TPP2: variants seen among roughly 807,000 people sequenced by gnomAD.
TPP2 encodes the protein tripeptidyl peptidase 2.
TPP2 carries 34 observed loss-of-function variants against 155.9 expected under a neutral mutation model. That is an observed-to-expected ratio of 0.22 (90% CI 0.17 to 0.29). The LOEUF is 0.29. Ranked by LOEUF, TPP2 falls within the 10% of genes least tolerant of loss-of-function variation. The pLI, the probability that TPP2 is intolerant of heterozygous loss-of-function variation, is 1.00. For synonymous variants in TPP2, 510 were observed against 529.4 expected (o/e 0.96, Z 0.50); for missense variants, 1,028 against 1,522.3 (o/e 0.68, Z 5.40).
chr13:102,631,981 GCTCA>G (rs1182160132), intron 10 of TPP2, among the ~76,000 whole-genome samples: 1 of 152,182 alleles, frequency 6.6e-6, no homozygotes, highest in African/African-American at 2.4e-5. Context: ...GGGTGCAGTG[GCTCA>G]CGCCTGTAAT....
chr13:102,671,307 C>CT (rs1381773645), intron 27 of TPP2, among the ~76,000 whole-genome samples: 1 of 152,122 alleles, frequency 6.6e-6, no homozygotes, highest in Non-Finnish European at 1.5e-5. Context: ...ATTTGCCAGA[C>CT]TTTTTGGGAA....
At chr13:102,626,559 T>C (rs1881640448) in intron 6 of TPP2, among the ~76,000 whole-genome samples, 1 of 152,228 alleles carries the variant, frequency 6.6e-6, no homozygotes, top group South Asian at 2.1e-4. Flanking sequence ...TGTTCAGCTT[T>C]CACTCCAGCC....
rs763868808 is a variant in TPP2, at chr13:102,678,366, G to T, written c.*50G>T. 67 of 1,559,968 alleles carry T rather than the reference G, an allele frequency of 4.3e-5. No homozygotes were observed. The Admixed American group carries it at 1.1e-3, about 27-fold the overall frequency. On this transcript the variant is annotated 3_prime_UTR_variant, in exon 30 of 30. Coordinates refer to ENST00000376052, the MANE Select transcript of TPP2 (RefSeq NM_001330588.2). The stretch of plus-strand genomic sequence containing the variant: ...TAAAAAAGGAAGTTTTATAGTGAAT[G>T]GGTATAAAAACAAATTTGTGGCATT...
At chr13:102,638,535 C>T (rs1882540894) in intron 15 of TPP2, among the ~76,000 whole-genome samples, 1 of 152,186 alleles carries the variant, frequency 6.6e-6, no homozygotes, top group African/African-American at 2.4e-5. Context: ...TGCCCTACCT[C>T]TGCATCAAAA....
intron 29 of TPP2, among the ~76,000 whole-genome samples, chr13:102,677,567 T>C (rs141420765): frequency 1.3e-5 from 2 of 152,306 alleles, no homozygotes; most frequent in Non-Finnish European, 2.9e-5. Flanking sequence ...GCATCTCTGC[T>C]TAGCACAAAC....
intron 2 of TPP2, among the ~76,000 whole-genome samples, chr13:102,610,503 T>TA (rs1880211249): frequency 6.6e-6 from 1 of 152,166 alleles, no homozygotes; most frequent in South Asian, 2.1e-4. Flanking sequence ...GTGCTGGGAT[T>TA]ACAAATGTCA....
intron 24 of TPP2, among the ~76,000 whole-genome samples, chr13:102,652,397 C>CATACATATATAT (rs1883560553): frequency 8.0e-6 from 1 of 125,488 alleles, no homozygotes; most frequent in Non-Finnish European, 1.8e-5. Flanking sequence ...AACATACATA[C>CATACATATATAT]ATATATATAT....
intron 24 of TPP2, among the ~76,000 whole-genome samples, chr13:102,652,016 A>AT (rs1250576033): frequency 1.3e-5 from 2 of 152,324 alleles, no homozygotes; most frequent in African/African-American, 4.8e-5. Context: ...TCTCTGCAGC[A>AT]TATTAAGCAA....
chr13:102,637,624 C>T (rs979042751), intron 14 of TPP2, among the ~76,000 whole-genome samples: 2 of 152,086 alleles, frequency 1.3e-5, no homozygotes, highest in South Asian at 4.1e-4. Flanking sequence ...GATCGTGGTT[C>T]GCTGCAGCCT....
chr13:102,663,991 T>C (rs547658232), intron 26 of TPP2, among the ~76,000 whole-genome samples: 2 of 152,370 alleles, frequency 1.3e-5, no homozygotes, highest in East Asian at 3.9e-4. Context: ...CCTTAACGAT[T>C]GTTTTCATGA....
At chr13:102,629,650 G>A (rs1380158201) in intron 9 of TPP2, 41 bp downstream of exon 9, 2 of 1,543,190 alleles carry the variant, frequency 1.3e-6, no homozygotes, top group Non-Finnish European at 1.7e-6. Flanking sequence ...TTAGAAACAA[G>A]CAAACAAAAA....
At chr13:102,646,191 C>CT in intron 19 of TPP2, 103 bp from the exon 20 acceptor site, 1 of 790,156 alleles carries the variant, frequency 1.3e-6, no homozygotes, top group Non-Finnish European at 2.0e-6. Flanking sequence ...GAAGGTTCAT[C>CT]TGCACTTTTT....
chr13:102,651,280 A>G (rs545012721), intron 23 of TPP2, 79 bp from the exon 24 acceptor site: 116 of 1,483,318 alleles, frequency 7.8e-5, no homozygotes, highest in Non-Finnish European at 1.1e-4. Context: ...ATAAACTGAA[A>G]GACAATTAGA....
intron 4 of TPP2, among the ~76,000 whole-genome samples, chr13:102,617,775 A>T (rs1880859273): frequency 1.3e-5 from 2 of 152,224 alleles, no homozygotes; most frequent in Admixed American, 1.3e-4. Flanking sequence ...CCAAATAGTA[A>T]ATATTTTTAG....
intron 8 of TPP2, among the ~76,000 whole-genome samples, chr13:102,628,710 A>G (rs934651813): frequency 9.2e-5 from 14 of 152,048 alleles, no homozygotes; most frequent in Middle Eastern, 3.2e-3. Context: ...TCACCAAGCT[A>G]TCATCTGGTT....
chr13:102,667,577 G>A lies in TPP2; in HGVS notation c.3371+2652G>A, dbSNP rs1416479964. Among the ~76,000 whole-genome samples, 7 of 152,292 alleles carry A rather than the reference G, an allele frequency of 4.6e-5. 1 individual carries two copies. In the East Asian group the frequency reaches 1.2e-3, roughly 25 times the overall value. ...GCTGACTTTCACCTGAGTGGAAAAA[G>A]CCTCATGTACTATAAAGGTATTCAA... On this transcript the variant is annotated intron_variant, in intron 27 of 29. Transcript: ENST00000376052.
intron 3 of TPP2, among the ~76,000 whole-genome samples, chr13:102,614,946 C>T (rs927424443): frequency 2.0e-5 from 3 of 151,986 alleles, no homozygotes; most frequent in Non-Finnish European, 4.4e-5. Context: ...TAGTGACTAC[C>T]GTTTTAAGAA....
intron 2 of TPP2, among the ~76,000 whole-genome samples, chr13:102,609,860 T>C (rs181718705): frequency 6.6e-6 from 1 of 152,276 alleles, no homozygotes; most frequent in African/African-American, 2.4e-5. Flanking sequence ...AGCCAAACCA[T>C]ATCACCTGTT....
At chr13:102,656,045 G>C (rs888879186) in intron 24 of TPP2, among the ~76,000 whole-genome samples, 4 of 151,870 alleles carry the variant, frequency 2.6e-5, no homozygotes, top group Non-Finnish European at 5.9e-5. Flanking sequence ...CCATTTCTGC[G>C]ACCCATTTTT....
Sources: allele counts gnomAD v4.1 joint callset (sites outside exome capture counted in the v4.1 genomes callset), GRCh38; gene constraint gnomAD v4.1.1; transcripts MANE v1.5; gene names NCBI Gene and HGNC (gene_info 2026-07-23, HGNC 2026-07-21).